R3HDM2: variants seen among roughly 807,000 people sequenced by gnomAD.
R3HDM2 encodes the protein R3H domain-containing protein 2.
Under a neutral mutation model 124.5 loss-of-function variants are expected in R3HDM2, and 38 were observed. The ratio of observed to expected loss-of-function variants is 0.31; its 90% CI spans 0.24 to 0.40. The LOEUF (loss-of-function observed/expected upper bound fraction) is 0.40, where lower values mean the gene tolerates loss of function less well. Among genes scored for constraint, R3HDM2 ranks in the 10% least tolerant of loss-of-function variants. R3HDM2 has a pLI of 1.00. For missense variants in R3HDM2, 869 were observed against 1,236.9 expected (o/e 0.70, Z 4.46); for synonymous variants, 391 against 448.0 (o/e 0.87, Z 1.61).
chr12:57,424,975 T>A (rs554333510), intron 1 of R3HDM2, among the ~76,000 whole-genome samples: 2 of 152,194 alleles, frequency 1.3e-5, no homozygotes, highest in African/African-American at 4.8e-5. Flanking sequence ...AATAAATAAA[T>A]AAAAAGAAAT....
At chr12:57,291,915 C>T (rs2048722122) in intron 11 of R3HDM2, among the ~76,000 whole-genome samples, 1 of 152,206 alleles carries the variant, frequency 6.6e-6, no homozygotes, top group Non-Finnish European at 1.5e-5. Flanking sequence ...ATATAGTCCA[C>T]ACATTTAAGA....
chr12:57,376,777 C>T (rs2064119978), intron 2 of R3HDM2, among the ~76,000 whole-genome samples: 1 of 151,644 alleles, frequency 6.6e-6, no homozygotes. Context: ...TGACGAAGTC[C>T]CATCTCTACT....
chr12:57,264,006 C>T (rs144550018), intron 19 of R3HDM2, among the ~76,000 whole-genome samples: 2 of 151,234 alleles, frequency 1.3e-5, no homozygotes, highest in Non-Finnish European at 3.0e-5. Flanking sequence ...TTAAGACTTC[C>T]TGCCGAGGTG....
chr12:57,339,579 T>C (rs1204671224), intron 2 of R3HDM2, among the ~76,000 whole-genome samples: 1 of 151,904 alleles, frequency 6.6e-6, no homozygotes, highest in Non-Finnish European at 1.5e-5. Flanking sequence ...GCACCTGTAA[T>C]GCCAGCTACT....
chr12:57,358,917 A>G (rs912560526), intron 2 of R3HDM2, among the ~76,000 whole-genome samples: 1 of 146,212 alleles, frequency 6.8e-6, no homozygotes, highest in Admixed American at 7.2e-5. Flanking sequence ...GCCTGGCTAA[A>G]TTTTTTTCTT....
At chr12:57,350,331 T>C (rs917271286) in intron 2 of R3HDM2, among the ~76,000 whole-genome samples, 4 of 152,240 alleles carry the variant, frequency 2.6e-5, no homozygotes, top group Non-Finnish European at 5.9e-5. Flanking sequence ...GTTGGATTCA[T>C]GGAAGTTAAA....
chr12:57,363,546 A>T (rs2062200601), intron 2 of R3HDM2, among the ~76,000 whole-genome samples: 1 of 152,184 alleles, frequency 6.6e-6, no homozygotes, highest in Admixed American at 6.6e-5. Flanking sequence ...ATTAACAATA[A>T]TTTTTAGTTT....
Position 57,353,146 on chromosome 12 carries a change from T to C in R3HDM2, c.-36+42603A>G, listed in dbSNP as rs556677982. Among the ~76,000 whole-genome samples the C allele has an allele frequency of 1.6e-4, 25 of 152,162 alleles. No individual in the cohort carries two copies. In the South Asian group the frequency reaches 4.6e-3, roughly 28 times the overall value. ...ATTGAAACTTTTGATGACTTCAAAATTGAAAACTTCTATACAATTTTAAAA... is the reference window on the plus strand; with the variant it reads ...ATTGAAACTTTTGATGACTTCAAAACTGAAAACTTCTATACAATTTTAAAA... On this transcript the variant is annotated intron_variant, in intron 2 of 23. Transcript: ENST00000402412.
At chr12:57,291,514 C>A (rs1323052511) in intron 11 of R3HDM2, among the ~76,000 whole-genome samples, 1 of 151,534 alleles carries the variant, frequency 6.6e-6, no homozygotes, top group African/African-American at 2.4e-5. Context: ...GTTAGCCAGG[C>A]GTGGTAATGC....
intron 2 of R3HDM2, among the ~76,000 whole-genome samples, chr12:57,328,790 C>T (rs1463515078): frequency 6.6e-6 from 1 of 152,118 alleles, no homozygotes; most frequent in Non-Finnish European, 1.5e-5. Context: ...GCTGGGATTA[C>T]AGGCGTGAAC....
chr12:57,281,609 C>A (rs1390429286), intron 13 of R3HDM2, among the ~76,000 whole-genome samples: 2 of 152,042 alleles, frequency 1.3e-5, no homozygotes, highest in Non-Finnish European at 2.9e-5. Context: ...CCTCAGCCTC[C>A]CAAGTAGCTG....
intron 2 of R3HDM2, among the ~76,000 whole-genome samples, chr12:57,391,058 C>A (rs1298163550): frequency 6.6e-6 from 1 of 151,338 alleles, no homozygotes; most frequent in Non-Finnish European, 1.5e-5. Flanking sequence ...TATCTAATTA[C>A]CATACCCCCA....
At chr12:57,276,757 C>T (rs537171367) in intron 14 of R3HDM2, among the ~76,000 whole-genome samples, 35 of 151,946 alleles carry the variant, frequency 2.3e-4, no homozygotes, top group African/African-American at 8.0e-4. Flanking sequence ...CGTGGTGGTG[C>T]GTGCCTGTAA....
At chr12:57,410,822 CA>C in intron 1 of R3HDM2, among the ~76,000 whole-genome samples, 1 of 152,250 alleles carries the variant, frequency 6.6e-6, no homozygotes, top group South Asian at 2.1e-4. Context: ...CACTGTATTA[CA>C]GCCTGAGTGA....
chr12:57,328,999 G>T (rs2057724359), intron 2 of R3HDM2, among the ~76,000 whole-genome samples: 1 of 152,060 alleles, frequency 6.6e-6, no homozygotes. Context: ...AATTGTAGAA[G>T]ATCCCAATCC....
intron 20 of R3HDM2, among the ~76,000 whole-genome samples, chr12:57,258,533 C>T (rs759124528): frequency 1.1e-4 from 16 of 151,790 alleles, no homozygotes; most frequent in Non-Finnish European, 2.1e-4. Context: ...TCAGTAGAGA[C>T]GGGGTATCAC....
chr12:57,275,221 G>A (rs1354463082), intron 14 of R3HDM2, among the ~76,000 whole-genome samples: 1 of 152,094 alleles, frequency 6.6e-6, no homozygotes, highest in Non-Finnish European at 1.5e-5. Flanking sequence ...AGTGGGGAAA[G>A]GACACCCTTT....
At chr12:57,413,032 T>C (rs1347896330) in intron 1 of R3HDM2, among the ~76,000 whole-genome samples, 2 of 152,012 alleles carry the variant, frequency 1.3e-5, no homozygotes, top group South Asian at 2.1e-4. Flanking sequence ...CATGTGCCTG[T>C]AGTCCAGCTA....
intron 6 of R3HDM2, among the ~76,000 whole-genome samples, chr12:57,298,917 C>T (rs529011689): frequency 6.6e-6 from 1 of 151,950 alleles, no homozygotes; most frequent in Non-Finnish European, 1.5e-5. Flanking sequence ...GAGCCAAGAT[C>T]GTGCCACTGC....
Sources: gnomAD v4.1 joint callset for allele counts (sites outside exome capture counted in the v4.1 genomes callset) on GRCh38, gnomAD v4.1.1 for gene constraint, MANE v1.5 for transcripts, NCBI Gene and HGNC (gene_info 2026-07-23, HGNC 2026-07-21) for gene names.